EGLN2: variants seen among roughly 807,000 people sequenced by gnomAD.
EGLN2 encodes the protein egl-9 family hypoxia inducible factor 2, also known as prolyl hydroxylase EGLN2.
In EGLN2, 15 loss-of-function variants were observed where a neutral mutation model predicts 38.2. That is an observed-to-expected ratio of 0.39 (90% CI 0.26 to 0.60). The LOEUF is 0.60. Among genes scored for constraint, EGLN2 ranks in the 20% least tolerant of loss-of-function variants. The pLI, the probability that EGLN2 is intolerant of heterozygous loss-of-function variation, is 0.50. For missense variants in EGLN2, 492 were observed against 570.4 expected (o/e 0.86, Z 1.40); for synonymous variants, 284 against 237.4 (o/e 1.20, Z -1.81).
Position 40,808,032 on chromosome 19 carries a change from C to T in EGLN2, c.*168C>T, listed in dbSNP as rs1473948866. 4.4e-6 allele frequency: 3 copies of T among 681,592 alleles called. No homozygotes were observed. The highest frequency in any genetic ancestry group is 7.4e-6 in the Non-Finnish European group (3 of 404,430). 42.2% of individuals were successfully genotyped at this position (681,592 alleles called of 1,614,324 possible). Reference sequence around the variant, plus strand: ...CTGAGGACCAAGGAGGAGAAGAGACCTTTGCTGCCCCATCATGGGGGCTGG... The same window carrying T: ...CTGAGGACCAAGGAGGAGAAGAGACTTTTGCTGCCCCATCATGGGGGCTGG... On this transcript the variant is annotated 3_prime_UTR_variant, in exon 6 of 6. Coordinates refer to ENST00000303961, the MANE Select transcript of EGLN2 (RefSeq NM_080732.4).
At position 40,801,217 on chromosome 19, in the gene EGLN2, G is replaced by T; in HGVS notation, c.645G>T (p.Arg215=). The part of the protein sequence containing the change: ...RVLAEVEALK[R]GGRLRDGQLV... Reference sequence around the variant, plus strand: ...TGGCCGAGGTGGAGGCCCTCAAACGGGGTGGGCGCCTGCGAGACGGGCAGC... The same window carrying T: ...TGGCCGAGGTGGAGGCCCTCAAACGTGGTGGGCGCCTGCGAGACGGGCAGC... Residue 215 remains arginine, a synonymous_variant, in exon 2 of 6, where the codon CGG becomes CGT. Transcript: ENST00000303961. The T allele has an allele frequency of 6.2e-7, 1 of 1,612,584 alleles. No individual in the cohort carries two copies.
chr19:40,801,124 C>G lies in EGLN2; in HGVS notation c.552C>G (p.Pro184=), dbSNP rs1014086658. The change falls in exon 2 of 6, where the codon CCC becomes CCG. Residue 184 remains proline (P), a synonymous_variant. Coordinates refer to ENST00000303961, the MANE Select transcript of EGLN2 (RefSeq NM_080732.4). Reference sequence around the variant, plus strand: ...GCCTGGCCCTGGACTATATCGTGCCCTGCATGCGGTACTACGGCATCTGCG... The same window carrying G: ...GCCTGGCCCTGGACTATATCGTGCCGTGCATGCGGTACTACGGCATCTGCG... ...PERLALDYIV[P]CMRYYGICVK... is the part of the protein sequence containing the mutation. 1 of 1,612,916 alleles carries G rather than the reference C, an allele frequency of 6.2e-7. No individual in the cohort carries two copies. Among genetic ancestry groups the G allele is most frequent in the Non-Finnish European group, 8.5e-7 (1 of 1,179,936 alleles).
In EGLN2 at chr19:40,807,162, T is replaced by C. The variant is rs766188687; in HGVS notation, c.988T>C (p.Phe330Leu). 1.2e-6 allele frequency: 2 copies of C among 1,614,142 alleles called. No individual in the cohort carries two copies. The highest frequency in any genetic ancestry group is 1.7e-5 in the Admixed American group (1 of 60,024). The part of the protein sequence containing the change: ...VKVHGGLLQI[F>L]PEGRPVVANI... ...GGTGCATGGCGGCCTGCTGCAGATC[T>C]TCCCTGAGGGCCGGCCCGTGGTAGC... The change falls in exon 4 of 6, where the codon TTC becomes CTC. Residue 330 changes from phenylalanine to leucine, a missense_variant. Phe to Leu is a conservative substitution (Grantham distance 22). Coordinates refer to ENST00000303961, the MANE Select transcript of EGLN2 (RefSeq NM_080732.4).
intron 1 of EGLN2, 57 bp from the exon 2 acceptor site, chr19:40,800,282 C>G (rs1387564846): frequency 7.5e-6 from 3 of 397,986 alleles, no homozygotes; most frequent in African/African-American, 4.0e-5. Flanking sequence ...CCCGGCTTTC[C>G]CCTGCCTGCC....
intron 2 of EGLN2, among the ~76,000 whole-genome samples, chr19:40,802,849 C>G (rs76959273): frequency 6.6e-6 from 1 of 152,258 alleles, no homozygotes; most frequent in South Asian, 2.1e-4. Flanking sequence ...GCCCTGCAGG[C>G]GTGAGGCTGA....
In EGLN2 at chr19:40,807,880, C is replaced by T. The variant is rs1184570220; in HGVS notation, c.*16C>T. ...GCCCACCTAGTGGCCAGTCCCAGAG[C>T]CGCATGGCAGACAGCTTAAATGACT... On this transcript the variant is annotated 3_prime_UTR_variant, in exon 6 of 6. Transcript: ENST00000303961. 1.2e-6 allele frequency: 2 copies of T among 1,613,450 alleles called. No homozygotes were observed.
chr19:40,801,455 C>T, intron 2 of EGLN2, 40 bp downstream of exon 2: 2 of 1,575,764 alleles, frequency 1.3e-6, no homozygotes, highest in Non-Finnish European at 1.7e-6. Context: ...GGCTTTGCAG[C>T]ACCCTGGTTT....
chr19:40,801,207 C>A lies in EGLN2; in HGVS notation c.635C>A (p.Ala212Asp), dbSNP rs201571275. The A allele has an allele frequency of 1.9e-6, 3 of 1,612,480 alleles. No homozygotes were observed. In the Admixed American group the frequency reaches 5.0e-5, roughly 27 times the overall value. The change falls in exon 2 of 6, where the codon GCC (alanine) becomes GAC (aspartate). Residue 212 changes from alanine (A) to aspartate (D), a missense_variant. This residue lies in a region of EGLN2 where 378 missense variants were observed against 386.2 expected (regional missense o/e 0.98). Coordinates refer to ENST00000303961, the MANE Select transcript of EGLN2 (RefSeq NM_080732.4). The part of the protein sequence containing the change: ...LGGRVLAEVE[A>D]LKRGGRLRDG... ...GGTCGCGTGCTGGCCGAGGTGGAGGCCCTCAAACGGGGTGGGCGCCTGCGA... is the reference window on the plus strand; with the variant it reads ...GGTCGCGTGCTGGCCGAGGTGGAGGACCTCAAACGGGGTGGGCGCCTGCGA...
chr19:40,800,135 A>C, intron 1 of EGLN2: 1 of 185,038 alleles, frequency 5.4e-6, no homozygotes, highest in Non-Finnish European at 1.2e-5. Context: ...GCCTCTCCCT[A>C]TCACTGCCTC....
chr19:40,807,494 A>G lies in EGLN2; in HGVS notation c.1111A>G (p.Thr371Ala), dbSNP rs780386346. 6.2e-7 allele frequency: 1 copy of G among 1,614,180 alleles called. No homozygotes were observed. The highest frequency in any genetic ancestry group is 1.1e-5 in the South Asian group (1 of 91,088). The change falls in exon 5 of 6, where the codon ACT becomes GCT. Residue 371 changes from threonine to alanine, a missense_variant. Thr to Ala is a moderately conservative substitution (Grantham distance 58, BLOSUM62 0). Coordinates refer to ENST00000303961, the MANE Select transcript of EGLN2 (RefSeq NM_080732.4). ...KPAYATRYAITVWYFDAKERA... is the reference protein window; with the variant it reads ...KPAYATRYAIAVWYFDAKERA... ...CACCCTGGTCTCCAGGTACGCCATC[A>G]CTGTCTGGTATTTTGATGCCAAGGA...
chr19:40,806,733 G>C (rs775456776), intron 3 of EGLN2, 59 bp downstream of exon 3: 79 of 1,589,858 alleles, frequency 5.0e-5, no homozygotes, highest in Non-Finnish European at 6.2e-5. Context: ...CGGGGGTGGC[G>C]TGCGTCCACT....
chr19:40,806,848 C>G, intron 3 of EGLN2, 174 bp downstream of exon 3: 2 of 1,010,872 alleles, frequency 2.0e-6, no homozygotes, highest in East Asian at 2.6e-5. Flanking sequence ...GGCACCTCCT[C>G]CTCTCTAGCG....
rs199656256 is a variant in EGLN2, at chr19:40,807,597, T to C, written c.1168+46T>C. 2.1e-5 allele frequency: 33 copies of C among 1,589,996 alleles called. No homozygotes were observed. The Middle Eastern group carries it at 1.2e-3, about 56-fold the overall frequency. On this transcript the variant is annotated intron_variant, in intron 5 of 5. Transcript: ENST00000303961. Reference sequence around the variant, plus strand: ...AGTCCTTCCTATTCTGTGGGCCCTCTTGGGCCTGATGCCACCCCATCCCCC... The same window carrying C: ...AGTCCTTCCTATTCTGTGGGCCCTCCTGGGCCTGATGCCACCCCATCCCCC...
intron 2 of EGLN2, among the ~76,000 whole-genome samples, chr19:40,801,667 T>C (rs1248508041): frequency 3.0e-4 from 45 of 149,678 alleles, no homozygotes; most frequent in African/African-American, 1.1e-3. Flanking sequence ...TTTTTTTTTT[T>C]TTTTTTCTTT....
In EGLN2 at chr19:40,808,281, C is replaced by G. The variant is rs34788614; in HGVS notation, c.*417C>G. The G allele has an allele frequency of 1.9e-5, 8 of 415,294 alleles. No individual in the cohort carries two copies. The highest frequency in any genetic ancestry group is 1.4e-4 in the African/African-American group (7 of 49,012). The allele number at this position is 415,294 out of a possible 1,614,324, so 25.7% of individuals were successfully genotyped here. ...CCCCAAGTCCTCTCACTCCTCCAGCCTGGAATGTGAAGTGACTCCCCAACC... is the reference window on the plus strand; with the variant it reads ...CCCCAAGTCCTCTCACTCCTCCAGCGTGGAATGTGAAGTGACTCCCCAACC... On this transcript the variant is annotated 3_prime_UTR_variant, in exon 6 of 6. Transcript: ENST00000303961.
rs144903698 is a variant in EGLN2 at position 40,801,027 on chromosome 19, G to A, written c.455G>A (p.Cys152Tyr). The change falls in exon 2 of 6, where the codon TGC becomes TAC. Residue 152 changes from cysteine to tyrosine, a missense_variant. Around this residue, in one of 2 missense-constraint regions of EGLN2, gnomAD observed 378 missense variants for 386.2 expected, o/e 0.98. Coordinates refer to ENST00000303961, the MANE Select transcript of EGLN2 (RefSeq NM_080732.4). The stretch of plus-strand genomic sequence containing the variant: ...GCAGAGCGGGAGGGTGGCATGAGCT[G>A]CAGCTGCAGCAGTGGCAGTGGTGAG... ...QEAEREGGMS[C>Y]SCSSGSGEAS... The A allele has an allele frequency of 3.1e-6, 5 of 1,613,076 alleles. No homozygotes were observed. Among genetic ancestry groups the A allele is most frequent in the Non-Finnish European group, 4.2e-6 (5 of 1,179,776 alleles).
intron 1 of EGLN2, 81 bp downstream of exon 1, chr19:40,799,343 G>C (rs2083232537): frequency 1.1e-5 from 1 of 93,354 alleles, no homozygotes; most frequent in South Asian, 3.3e-4. Context: ...GGCGGGGTGT[G>C]GGGGCGCGCG....
intron 2 of EGLN2, among the ~76,000 whole-genome samples, 180 bp downstream of exon 2, chr19:40,801,595 G>A (rs935796436): frequency 6.6e-6 from 1 of 151,624 alleles, no homozygotes; most frequent in Non-Finnish European, 1.5e-5. Flanking sequence ...TCCTCCCTAC[G>A]GGCCTTAATG....
intron 2 of EGLN2, 184 bp from the exon 3 acceptor site, chr19:40,806,371 A>T: frequency 8.2e-7 from 1 of 1,215,404 alleles, no homozygotes; most frequent in East Asian, 2.7e-5. Context: ...GGTTTCTGAT[A>T]GACTTGGGGA....
Sources: allele counts gnomAD v4.1 joint callset (sites outside exome capture counted in the v4.1 genomes callset), GRCh38; gene constraint gnomAD v4.1.1; regional missense constraint gnomAD v4.1.1; transcripts MANE v1.5; gene names NCBI Gene and HGNC (gene_info 2026-07-23, HGNC 2026-07-21).